The following ATP10A variants were observed in gnomAD, a reference collection of about 807,000 sequenced individuals.
The protein encoded by ATP10A is phospholipid-transporting ATPase VA.
In ATP10A, 111 loss-of-function variants were observed where a neutral mutation model predicts 147.8. That is an observed-to-expected ratio of 0.75 (90% confidence interval 0.64 to 0.88). The LOEUF is 0.88. Among genes scored for constraint, ATP10A ranks in the 40% least tolerant of loss-of-function variants. The probability of loss-of-function intolerance (pLI) is 0.00; values close to 1 mark genes in which losing one functional copy is unlikely to be tolerated. For missense variants in ATP10A, 1,927 were observed against 1,959.0 expected (o/e 0.98, Z 0.31); for synonymous variants, 875 against 841.6 (o/e 1.04, Z -0.69).
intron 3 of ATP10A, among the ~76,000 whole-genome samples, chr15:25,728,868 T>A (rs11635716): frequency 0.97 from 147,112 of 152,222 alleles, 71,307 homozygotes; most frequent in East Asian, 1. Context: ...ATGCGAGGGG[T>A]TGGGAACGTA....
At chr15:25,777,530 G>A (rs1889672966) in intron 2 of ATP10A, among the ~76,000 whole-genome samples, 1 of 152,012 alleles carries the variant, frequency 6.6e-6, no homozygotes, top group Non-Finnish European at 1.5e-5. Flanking sequence ...GGGTTGGGAG[G>A]GTACTCTTCC....
chr15:25,808,382 C>G (rs972159861), intron 1 of ATP10A, among the ~76,000 whole-genome samples: 1 of 142,398 alleles, frequency 7.0e-6, no homozygotes, highest in Non-Finnish European at 1.5e-5. Flanking sequence ...GGTGTGAGAA[C>G]AGTTTTGTTT....
rs1330146631 is a variant in ATP10A, at chr15:25,736,279, A to AG, written c.655-139dup. 4.3e-6 allele frequency: 3 copies of AG among 690,664 alleles called. No homozygotes were observed. The African/African-American group carries it at 5.3e-5, about 12-fold the overall frequency. The allele number at this position is 690,664 out of a possible 1,614,324, so 42.8% of individuals were successfully genotyped here. On this transcript the variant is annotated intron_variant, in intron 2 of 20. Coordinates refer to ENST00000555815, the MANE Select transcript of ATP10A (RefSeq NM_024490.4). ...ACTCTGCCTATGAATCTCTCTGGAA[A>AG]GCCAAAGCAACGCCTTCTCCACTGT... is the stretch of plus-strand genomic sequence containing the variant.
chr15:25,751,171 T>C (rs926067290), intron 2 of ATP10A, among the ~76,000 whole-genome samples: 2 of 152,152 alleles, frequency 1.3e-5, no homozygotes, highest in East Asian at 3.8e-4. Context: ...AAAATGGCTA[T>C]ATTGCTATCA....
rs1463123072 is a variant in ATP10A at position 25,679,363 on chromosome 15, G to T, written c.4478C>A (p.Ala1493Glu). 1 of 1,530,882 alleles carries T rather than the reference G, an allele frequency of 6.5e-7. No individual in the cohort carries two copies. The highest frequency in any genetic ancestry group is 8.8e-7 in the Non-Finnish European group (1 of 1,131,342). The allele number at this position is 1,530,882 out of a possible 1,614,324, so 94.8% of individuals were successfully genotyped here. A position where few individuals can be genotyped will look rare whatever the true frequency, so the allele number is the denominator to read the frequency against. The change falls in exon 21 of 21, where the codon GCA becomes GAA. Residue 1493 changes from alanine to glutamate, a missense_variant. Coordinates refer to ENST00000555815, the MANE Select transcript of ATP10A (RefSeq NM_024490.4). The stretch of plus-strand genomic sequence containing the variant: ...TTTTCACTGTGACCGCCTTGAAGAT[G>T]CTCCTATAAGTAGTCTGTGGTCTGG... ...QGPDHRLLIG[A>E]SSRRSQ
chr15:25,863,363 G>A (rs1483057040), upstream of ATP10A, among the ~76,000 whole-genome samples: 1 of 151,772 alleles, frequency 6.6e-6, no homozygotes, highest in Non-Finnish European at 1.5e-5. Flanking sequence ...TGTCCTCGCC[G>A]CCCGCCCCCG....
At chr15:25,756,218 A>G (rs943382177) in intron 2 of ATP10A, among the ~76,000 whole-genome samples, 7 of 152,218 alleles carry the variant, frequency 4.6e-5, no homozygotes, top group Admixed American at 6.5e-5. Context: ...AGGAGAGAAC[A>G]CTGGCAAATG....
At position 25,695,017 on chromosome 15, in the gene ATP10A, T is replaced by C. The variant is rs1900241307; in HGVS notation, c.2890A>G (p.Thr964Ala). 1 of 1,614,018 alleles carries C rather than the reference T, an allele frequency of 6.2e-7. No individual in the cohort carries two copies. The highest frequency in any genetic ancestry group is 1.7e-5 in the Admixed American group (1 of 59,984). Residue 964 changes from threonine to alanine, a missense_variant, in exon 14 of 21, where the codon ACT becomes GCT. Physicochemically the swap from Thr to Ala is moderately conservative, Grantham distance 58. Coordinates refer to ENST00000555815, the MANE Select transcript of ATP10A (RefSeq NM_024490.4). ...FSSLCPPSTSTASGRRPSLVI... is the reference protein window; with the variant it reads ...FSSLCPPSTSAASGRRPSLVI... Reference sequence around the variant, plus strand: ...AGGCTGGGTCTGCGGCCAGAGGCAGTGGACGTGGAGGGTGGGCAGAGAGAG... The same window carrying C: ...AGGCTGGGTCTGCGGCCAGAGGCAGCGGACGTGGAGGGTGGGCAGAGAGAG...
intron 2 of ATP10A, among the ~76,000 whole-genome samples, chr15:25,751,482 T>A (rs1172749303): frequency 1.3e-5 from 2 of 152,104 alleles, no homozygotes; most frequent in South Asian, 2.1e-4. Context: ...CAAAAGCACA[T>A]AGAGCATTTA....
At chr15:25,726,937 G>A (rs8031008) in intron 4 of ATP10A, among the ~76,000 whole-genome samples, 145,139 of 148,314 alleles carry the variant, frequency 0.98, 71,049 homozygotes, top group East Asian at 1. Context: ...GGCGCCTGTA[G>A]TCCCAGCTAC....
chr15:25,738,495 GATA>G (rs1185525638), intron 2 of ATP10A: 2 of 152,198 alleles, frequency 1.3e-5, no homozygotes, highest in Admixed American at 6.5e-5. Context: ...ATTTTGCCAT[GATA>G]AAAAATTTCA....
rs575254077 is a variant in ATP10A at position 25,713,964 on chromosome 15, T to C, written c.2054A>G (p.Gln685Arg). 51 of 1,610,158 alleles carry C rather than the reference T, an allele frequency of 3.2e-5. No individual in the cohort carries two copies. Among genetic ancestry groups the C allele is most frequent in the Non-Finnish European group, 3.9e-5 (46 of 1,179,978 alleles). The change falls in exon 10 of 21, where the codon CAG becomes CGG. Residue 685 changes from glutamine to arginine, a missense_variant. Transcript: ENST00000555815. ...GTACCGCAGCTCGCGCTCTGACTCC[T>C]GCTCCTGAGCAAGCTCCGAGGCCCA... is the stretch of plus-strand genomic sequence containing the variant. ...DNWASELAQE[Q>R]ESERELRYEA...
chr15:25,784,195 C>T (rs986413982), intron 1 of ATP10A, among the ~76,000 whole-genome samples: 2 of 152,158 alleles, frequency 1.3e-5, no homozygotes, highest in African/African-American at 4.8e-5. Flanking sequence ...GAAAGTTTCC[C>T]AATGCTCAGT....
At chr15:25,725,877 C>T (rs1902510458) in intron 5 of ATP10A, 74 bp downstream of exon 5, 1 of 1,492,446 alleles carries the variant, frequency 6.7e-7, no homozygotes, top group African/African-American at 1.4e-5. Flanking sequence ...CTCGGCCTCC[C>T]AAAGTGCTAG....
At chr15:25,736,803 G>A (rs1316941659) in intron 2 of ATP10A, among the ~76,000 whole-genome samples, 3 of 152,180 alleles carry the variant, frequency 2.0e-5, no homozygotes, top group Admixed American at 1.3e-4. Flanking sequence ...CAGTATAAAC[G>A]AGCACAATTA....
chr15:25,771,678 C>T (rs545399902), intron 2 of ATP10A, among the ~76,000 whole-genome samples: 4 of 152,180 alleles, frequency 2.6e-5, no homozygotes, highest in East Asian at 1.9e-4. Context: ...TCCCTGGCTG[C>T]CTACCTGCCC....
intron 2 of ATP10A, among the ~76,000 whole-genome samples, chr15:25,768,683 A>ATTTTTTTTTTTTTTTTTTTTTTTTTTTTT (rs143608940): frequency 1.1e-5 from 1 of 89,646 alleles, no homozygotes; most frequent in Non-Finnish European, 2.1e-5. Context: ...AGCTGGGCTA[A>ATTTTTTTTTTTTTTTTTTTTTTTTTTTTT]TTTTTTTTTT....
chr15:25,713,908 C>A lies in ATP10A; in HGVS notation c.2110G>T (p.Val704Leu). The change falls in exon 10 of 21, where the codon GTG becomes TTG. Residue 704 changes from valine to leucine, a missense_variant. Transcript: ENST00000555815. ...CAGTTGTAGGCTCTGGCCGCATACA[C>A]CAGTGCGGCCTCATCCGGGCTCTCC... ...EAESPDEAAL[V>L]YAARAYNCVL... 6.2e-7 allele frequency: 1 copy of A among 1,613,258 alleles called. No individual in the cohort carries two copies. The highest frequency in any genetic ancestry group is 8.5e-7 in the Non-Finnish European group (1 of 1,180,042).
intron 1 of ATP10A, among the ~76,000 whole-genome samples, chr15:25,798,512 CAG>C (rs770997350): frequency 2.6e-5 from 4 of 152,182 alleles, no homozygotes; most frequent in African/African-American, 7.2e-5. Context: ...ATCTGGGTGA[CAG>C]ATGTTGTGTG....
Sources: gnomAD v4.1 joint callset for allele counts (sites outside exome capture counted in the v4.1 genomes callset) on GRCh38, gnomAD v4.1.1 for gene constraint, MANE v1.5 for transcripts, NCBI Gene and HGNC (gene_info 2026-07-23, HGNC 2026-07-21) for gene names.